TTN: variants seen among roughly 807,000 people sequenced by gnomAD.
The protein encoded by TTN is connectin.
Under a neutral mutation model 3,223.0 loss-of-function variants are expected in TTN, and 1,525 were observed. The ratio of observed to expected loss-of-function variants is 0.47; its 90% CI spans 0.45 to 0.49. The LOEUF is 0.49. TTN is among the 20% of genes least tolerant of loss of function. The pLI, the probability that TTN is intolerant of heterozygous loss-of-function variation, is 0.00. For missense variants in TTN, 40,786 were observed against 43,424.0 expected (o/e 0.94, Z 5.40); for synonymous variants, 14,094 against 15,161.0 (o/e 0.93, Z 5.17).
chr2:178,743,479 G>A (rs2082862623), intron 47 of TTN, among the ~76,000 whole-genome samples: 1 of 151,822 alleles, frequency 6.6e-6, no homozygotes, highest in South Asian at 2.1e-4. Context: ...GTATACTCAA[G>A]CTCACCATAC....
chr2:178,637,569 C>T (rs1032017492), intron 223 of TTN, 150 bp from the exon 224 acceptor site: 1 of 404,736 alleles, frequency 2.5e-6, no homozygotes, highest in Non-Finnish European at 4.2e-6. Context: ...TGGATAATCA[C>T]ATTTCCAGGA....
At position 178,567,402 on chromosome 2, in the gene TTN, T is replaced by C; in HGVS notation, c.78730A>G (p.Asn26244Asp). 6.2e-7 allele frequency: 1 copy of C among 1,602,524 alleles called. No individual in the cohort carries two copies. The highest frequency in any genetic ancestry group is 8.5e-7 in the Non-Finnish European group (1 of 1,175,190). ...ATAAGTAAAGCCTTGAAATCTGTGT[T>C]CTTTATTTCACATCTAGCAGATTCT... ...IEESARCEIK[N>D]TDFKALLIVK... Residue 26244 changes from asparagine (N) to aspartate (D), a missense_variant, in exon 326 of 363, where the codon AAC (asparagine) becomes GAC (aspartate). Transcript: ENST00000589042.
intron 40 of TTN, 45 bp from the exon 41 acceptor site, chr2:178,766,657 T>C: frequency 2.0e-6 from 3 of 1,494,040 alleles, no homozygotes; most frequent in African/African-American, 1.4e-5. Flanking sequence ...CAACAAAAAC[T>C]TGAAGCTCTG....
intron 45 of TTN, among the ~76,000 whole-genome samples, chr2:178,757,229 A>ACCGT (rs1398848581): frequency 1.3e-5 from 2 of 149,622 alleles, no homozygotes; most frequent in African/African-American, 4.9e-5. Context: ...AGTAAGTAAT[A>ACCGT]ATCAGCAAAT....
rs1439962185 is a variant in TTN at position 178,695,861 on chromosome 2, A to G, written c.31207+4T>C. 2.1e-6 allele frequency: 3 copies of G among 1,442,116 alleles called. No individual in the cohort carries two copies. Among genetic ancestry groups the G allele is most frequent in the South Asian group, 1.6e-5 (1 of 61,364 alleles). The allele number at this position is 1,442,116 out of a possible 1,614,324, so 89.3% of individuals were successfully genotyped here. A position where few individuals can be genotyped will look rare whatever the true frequency, so the allele number is the denominator to read the frequency against. On this transcript the variant is annotated splice_donor_region_variant and intron_variant, in intron 114 of 362. Coordinates refer to ENST00000589042, the MANE Select transcript of TTN (RefSeq NM_001267550.2). The stretch of plus-strand genomic sequence containing the variant: ...GGGAAACAAGTCATTCAGTTTATAC[A>G]TACCTTCATAGACCTCCTTTTGAAC...
Position 178,775,555 on chromosome 2 carries a change from C to A in TTN, c.6309G>T (p.Gly2103=). The change falls in exon 28 of 363, where the codon GGG becomes GGT. Residue 2103 remains glycine, a synonymous_variant. Coordinates refer to ENST00000589042, the MANE Select transcript of TTN (RefSeq NM_001267550.2). ...SDAHFRVRVV[G]KPDPECEWYK... ...ACCATTCACATTCGGGGTCTGGTTT[C>A]CCCACGACTCTGACCCGGAAGTGTG... The A allele has an allele frequency of 2.5e-6, 4 of 1,614,022 alleles. No homozygotes were observed. The highest frequency in any genetic ancestry group is 3.4e-6 in the Non-Finnish European group (4 of 1,179,986).
chr2:178,581,123 A>C (rs1462213683), intron 316 of TTN, among the ~76,000 whole-genome samples: 1 of 152,094 alleles, frequency 6.6e-6, no homozygotes, highest in Non-Finnish European at 1.5e-5. Flanking sequence ...AGAGCCCACC[A>C]GTCACATACT....
At chr2:178,726,435 C>T (rs2079350291) in intron 69 of TTN, 1 of 157,546 alleles carries the variant, frequency 6.3e-6, no homozygotes, top group African/African-American at 2.4e-5. Context: ...ATAACAGACA[C>T]TTGGAAGTCA....
In TTN at chr2:178,715,601, C is replaced by T; in HGVS notation, c.25813G>A (p.Ala8605Thr). Residue 8605 changes from alanine to threonine, a missense_variant, in exon 89 of 363, where the codon GCT becomes ACT. Physicochemically the swap from Ala to Thr is moderately conservative, Grantham distance 58. Coordinates refer to ENST00000589042, the MANE Select transcript of TTN (RefSeq NM_001267550.2). ...KFRMSFVDSV[A>T]VLEMHNLSVE... ...CTGAGATTGTGCATTTCCAGCACAG[C>T]CACCGAGTCAACGAATGACATTCTG... 6.2e-7 allele frequency: 1 copy of T among 1,613,636 alleles called. No individual in the cohort carries two copies. Among genetic ancestry groups the T allele is most frequent in the Non-Finnish European group, 8.5e-7 (1 of 1,179,650 alleles).
In TTN at chr2:178,721,049, ATGT is replaced by A. The variant is rs1373079298; in HGVS notation, c.22967_22969del (p.Asn7656del). The A allele has an allele frequency of 6.2e-7, 1 of 1,613,430 alleles. No individual in the cohort carries two copies. The highest frequency in any genetic ancestry group is 1.1e-5 in the South Asian group (1 of 91,046). Reference sequence around the variant, plus strand: ...CAATGCCACAGAATTAATGAATGACATGTTGTATTTCCAACTTTCATGAAGTTC... The same window carrying A: ...CAATGCCACAGAATTAATGAATGACATGTATTTCCAACTTTCATGAAGTTC... On this transcript the variant is annotated inframe_deletion, in exon 79 of 363. Coordinates refer to ENST00000589042, the MANE Select transcript of TTN (RefSeq NM_001267550.2).
chr2:178,690,138 G>A (rs1294382897), intron 121 of TTN, among the ~76,000 whole-genome samples: 1 of 152,166 alleles, frequency 6.6e-6, no homozygotes, highest in Admixed American at 6.5e-5. Flanking sequence ...GTTGTGCACA[G>A]AATTCATCCT....
chr2:178,714,322 G>T lies in TTN; in HGVS notation c.26452C>A (p.Gln8818Lys), dbSNP rs2077133872. The change falls in exon 91 of 363, where the codon CAA (glutamine) becomes AAA (lysine). Residue 8818 changes from glutamine to lysine, a missense_variant. Physicochemically the swap from Gln to Lys is moderately conservative, Grantham distance 53 (BLOSUM62 1). Transcript: ENST00000589042. ...ACGGATAGCGTGGCGAAGCACTCTTGCATCCCAGCATCGTTTTTGATCTGA... is the reference window on the plus strand; with the variant it reads ...ACGGATAGCGTGGCGAAGCACTCTTTCATCCCAGCATCGTTTTTGATCTGA... Reference protein sequence around the residue: ...TCQIKNDAGMQECFATLSVLE... With the variant: ...TCQIKNDAGMKECFATLSVLE... 2 of 1,613,212 alleles carry T rather than the reference G, an allele frequency of 1.2e-6. No homozygotes were observed. Among genetic ancestry groups the T allele is most frequent in the Non-Finnish European group, 1.7e-6 (2 of 1,179,472 alleles).
In TTN at chr2:178,677,741, T is replaced by C. The variant is rs755123740; in HGVS notation, c.34171A>G (p.Ile11391Val). 21 of 1,612,354 alleles carry C rather than the reference T, an allele frequency of 1.3e-5. No homozygotes were observed. Among genetic ancestry groups the C allele is most frequent in the Admixed American group, 1.7e-5 (1 of 59,872 alleles). Residue 11391 changes from isoleucine to valine, a missense_variant, in exon 146 of 363, where the codon ATT becomes GTT. Coordinates refer to ENST00000589042, the MANE Select transcript of TTN (RefSeq NM_001267550.2). Reference protein sequence around the residue: ...EEEVLPEEEEIPPEEEEVPPE... With the variant: ...EEEVLPEEEEVPPEEEEVPPE... ...GGAACTTCCTCTTCCTCAGGTGGAA[T>C]TTCCTCTTCTTCAGGTAGAACTTCC... is the stretch of plus-strand genomic sequence containing the variant.
At position 178,570,309 on chromosome 2, in the gene TTN, A is replaced by G. The variant is rs1707703238; in HGVS notation, c.75823T>C (p.Tyr25275His). ...KVTKLLEGNE[Y>H]TFRIMAVNKY... Reference sequence around the variant, plus strand: ...TTTACTGCCATTATACGGAAAGTATATTCATTGCCTTCAAGAAGCTTAGTA... The same window carrying G: ...TTTACTGCCATTATACGGAAAGTATGTTCATTGCCTTCAAGAAGCTTAGTA... The change falls in exon 326 of 363, where the codon TAT becomes CAT. Residue 25275 changes from tyrosine (Y) to histidine (H), a missense_variant. Tyr to His is a moderately conservative substitution (Grantham distance 83). Transcript: ENST00000589042. 2.5e-6 allele frequency: 4 copies of G among 1,613,254 alleles called. No homozygotes were observed. Among genetic ancestry groups the G allele is most frequent in the African/African-American group, 1.3e-5 (1 of 74,900 alleles).
Position 178,734,610 on chromosome 2 carries a change from C to T in TTN, c.15218-4G>A, listed in dbSNP as rs568377459. The T allele has an allele frequency of 3.2e-6, 5 of 1,561,836 alleles. No individual in the cohort carries two copies. Among genetic ancestry groups the T allele is most frequent in the Non-Finnish European group, 4.3e-6 (5 of 1,155,280 alleles). ...GTTTTGATGAAAGAAGGAGGTTCTA[C>T]AAAAGCATGAAAGCATTGTGTAAGT... is the stretch of plus-strand genomic sequence containing the variant. On this transcript the variant is annotated splice_region_variant and splice_polypyrimidine_tract_variant and intron_variant, in intron 51 of 362. Coordinates refer to ENST00000589042, the MANE Select transcript of TTN (RefSeq NM_001267550.2).
In TTN at chr2:178,536,565, A is replaced by G; in HGVS notation, c.100182T>C (p.Gly33394=). 1 of 1,494,716 alleles carries G rather than the reference A, an allele frequency of 6.7e-7. No homozygotes were observed. Among genetic ancestry groups the G allele is most frequent in the Non-Finnish European group, 8.9e-7 (1 of 1,128,130 alleles). 92.6% of individuals were successfully genotyped at this position (1,494,716 alleles called of 1,614,324 possible). The change falls in exon 357 of 363, where the codon GGT becomes GGC. Residue 33394 remains glycine (G), a synonymous_variant. Coordinates refer to ENST00000589042, the MANE Select transcript of TTN (RefSeq NM_001267550.2). ...CAGTAATAGTTGGTTTGCCAGGAGC[A>G]CCTGGCTTTTCTATTAAACAAAAAA... is the stretch of plus-strand genomic sequence containing the variant. ...VIIKSPFEKP[G]APGKPTITAV...
chr2:178,620,060 T>G lies in TTN; in HGVS notation c.46357A>C (p.Arg15453=). 1 of 1,611,984 alleles carries G rather than the reference T, an allele frequency of 6.2e-7. No individual in the cohort carries two copies. Among genetic ancestry groups the G allele is most frequent in the Non-Finnish European group, 8.5e-7 (1 of 1,178,792 alleles). ...SIHRLIIKDC[R]LDDECEYACG... is the part of the protein sequence containing the mutation. The stretch of plus-strand genomic sequence containing the variant: ...GCATATTCACACTCATCATCCAGCC[T>G]GCAATCTTTTATAATGAGTCTGTGT... Residue 15453 remains arginine, a synonymous_variant, in exon 249 of 363, where the codon AGG becomes CGG. Transcript: ENST00000589042.
Position 178,651,531 on chromosome 2 carries a change from C to T in TTN, c.39469G>A (p.Glu13157Lys), listed in dbSNP as rs761974767. 66 of 1,612,646 alleles carry T rather than the reference C, an allele frequency of 4.1e-5. No individual in the cohort carries two copies. In the South Asian group the frequency reaches 4.5e-4, roughly 11 times the overall value. The part of the protein sequence containing the change: ...KPELPPVKVP[E>K]VPKEVVPEKK... The stretch of plus-strand genomic sequence containing the variant: ...TCAGGAACAACCTCCTTGGGCACCT[C>T]GGGCACTATAAAAGATATTAGTAGT... Residue 13157 changes from glutamate to lysine, a missense_variant, in exon 207 of 363, where the codon GAG becomes AAG. Physicochemically the swap from Glu to Lys is moderately conservative, Grantham distance 56. Coordinates refer to ENST00000589042, the MANE Select transcript of TTN (RefSeq NM_001267550.2).
At position 178,675,341 on chromosome 2, in the gene TTN, ATTTCTT is replaced by A. The variant is rs147992536; in HGVS notation, c.34538-234_34538-229del. 4.6e-3 allele frequency: 1,771 copies of A among 384,292 alleles called. 20 individuals carry two copies. The highest frequency in any genetic ancestry group is 0.032 in the African/African-American group (1,455 of 46,150). 23.8% of individuals were successfully genotyped at this position (384,292 alleles called of 1,614,324 possible). Reference sequence around the variant, plus strand: ...TCTACTTTTTACTGCTGGAGCCTCTATTTCTTTTTTCTTTTGTCTTTTTTTTTTTTG... The same window carrying A: ...TCTACTTTTTACTGCTGGAGCCTCTATTTTCTTTTGTCTTTTTTTTTTTTG... On this transcript the variant is annotated intron_variant, in intron 149 of 362. Coordinates refer to ENST00000589042, the MANE Select transcript of TTN (RefSeq NM_001267550.2).
Sources: gnomAD v4.1 joint callset for allele counts (sites outside exome capture counted in the v4.1 genomes callset) on GRCh38, gnomAD v4.1.1 for gene constraint, MANE v1.5 for transcripts, NCBI Gene and HGNC (gene_info 2026-07-23, HGNC 2026-07-21) for gene names.